The following RALGPS2 variants were observed in gnomAD, a reference collection of about 807,000 sequenced individuals.
RALGPS2 encodes ras-specific guanine nucleotide-releasing factor RalGPS2.
A neutral mutation model predicts 86.8 loss-of-function variants in RALGPS2; 43 were observed. The observed-to-expected ratio is 0.50, with a 90% CI of 0.39 to 0.64. The LOEUF (loss-of-function observed/expected upper bound fraction) is 0.64. Among genes scored for constraint, RALGPS2 ranks in the 30% least tolerant of loss-of-function variants. The pLI is 0.00. For missense variants in RALGPS2, 536 were observed against 694.6 expected, an observed-to-expected ratio of 0.77 and a Z score of 2.57; for synonymous variants, 243 against 231.3, an observed-to-expected ratio of 1.05 and a Z score of -0.46.
chr1:178,766,969 C>T (rs1652536055), intron 1 of RALGPS2, among the ~76,000 whole-genome samples: 1 of 152,102 alleles, frequency 6.6e-6, no homozygotes, highest in African/African-American at 2.4e-5. Context: ...TCTTTGAGCT[C>T]TGAAATTCTT....
At chr1:178,862,379 A>G (rs1658085886) in intron 8 of RALGPS2, among the ~76,000 whole-genome samples, 1 of 152,138 alleles carries the variant, frequency 6.6e-6, no homozygotes, top group African/African-American at 2.4e-5. Flanking sequence ...TGCAGGTAAG[A>G]CACTGTAACC....
At chr1:178,732,723 G>A (rs1472192458) in intron 1 of RALGPS2, among the ~76,000 whole-genome samples, 1 of 149,966 alleles carries the variant, frequency 6.7e-6, no homozygotes, top group East Asian at 1.9e-4. Flanking sequence ...TGTCATACTA[G>A]TTTTCTAAGT....
At chr1:178,909,424 G>A (rs1039935374) in intron 19 of RALGPS2, among the ~76,000 whole-genome samples, 5 of 150,950 alleles carry the variant, frequency 3.3e-5, no homozygotes, top group Admixed American at 3.3e-4. Flanking sequence ...TGTTGTTGTT[G>A]TTGTTCCCAT....
intron 10 of RALGPS2, among the ~76,000 whole-genome samples, chr1:178,881,039 G>A (rs1372742437): frequency 1.3e-5 from 2 of 152,132 alleles, no homozygotes; most frequent in African/African-American, 4.8e-5. Flanking sequence ...CTAAGGTTTT[G>A]TTATAGGCCA....
Position 178,881,507 on chromosome 1 carries a change from T to G in RALGPS2, c.837-1959T>G, listed in dbSNP as rs529656402. ...CTCTGTTTCCCAGTTTGGAGGGCAA[T>G]GGCACAATCTCAGCTCACTGCAACC... On this transcript the variant is annotated intron_variant, in intron 10 of 19. Transcript: ENST00000367635. Among the ~76,000 whole-genome samples the G allele has an allele frequency of 9.2e-5, 14 of 152,322 alleles. No homozygotes were observed. The South Asian group carries it at 2.9e-3, about 32-fold the overall frequency.
intron 1 of RALGPS2, among the ~76,000 whole-genome samples, chr1:178,749,748 A>G (rs557694090): frequency 6.6e-6 from 1 of 152,124 alleles, no homozygotes; most frequent in African/African-American, 2.4e-5. Context: ...TGATCCATGC[A>G]CAGAGGTAGA....
At chr1:178,813,147 T>G (rs1039929338) in intron 6 of RALGPS2, among the ~76,000 whole-genome samples, 2 of 152,090 alleles carry the variant, frequency 1.3e-5, no homozygotes, top group African/African-American at 2.4e-5. Flanking sequence ...TGGGCCAGGC[T>G]GGTCTTGAAC....
At chr1:178,845,314 A>G (rs1015556143) in intron 8 of RALGPS2, among the ~76,000 whole-genome samples, 15 of 151,972 alleles carry the variant, frequency 9.9e-5, no homozygotes, top group Non-Finnish European at 4.4e-5. Flanking sequence ...TTCCCCATTT[A>G]ATTTTTAATT....
chr1:178,823,362 A>T (rs1655599226), intron 7 of RALGPS2, among the ~76,000 whole-genome samples: 1 of 152,228 alleles, frequency 6.6e-6, no homozygotes, highest in African/African-American at 2.4e-5. Flanking sequence ...AATGATCTAG[A>T]CAAAGTTCCA....
intron 4 of RALGPS2, among the ~76,000 whole-genome samples, chr1:178,798,060 A>G (rs1479365909): frequency 6.6e-6 from 1 of 151,500 alleles, no homozygotes. Context: ...GCGTGAATGT[A>G]TAAAATATAT....
chr1:178,832,578 G>A (rs1656079361), intron 7 of RALGPS2, among the ~76,000 whole-genome samples: 1 of 151,914 alleles, frequency 6.6e-6, no homozygotes, highest in Non-Finnish European at 1.5e-5. Context: ...AGGAAAATTA[G>A]GTGAGACTTA....
At chr1:178,774,060 G>A (rs547964663) in intron 1 of RALGPS2, among the ~76,000 whole-genome samples, 83 of 152,234 alleles carry the variant, frequency 5.5e-4, no homozygotes, top group African/African-American at 1.8e-3. Context: ...GGCCAACATG[G>A]TGAAACCCTG....
At chr1:178,853,820 CTT>C in intron 8 of RALGPS2, 1 of 1,493,750 alleles carries the variant, frequency 6.7e-7, no homozygotes, top group East Asian at 2.4e-5. Flanking sequence ...TATCAGCAAA[CTT>C]AATATGAGAA....
intron 7 of RALGPS2, among the ~76,000 whole-genome samples, chr1:178,826,810 A>G (rs1451323462): frequency 6.6e-6 from 1 of 152,212 alleles, no homozygotes; most frequent in Non-Finnish European, 1.5e-5. Context: ...TATCAACAAA[A>G]GAAACAAAAT....
intron 6 of RALGPS2, among the ~76,000 whole-genome samples, chr1:178,813,620 TA>T (rs1275543525): frequency 2.6e-5 from 4 of 152,218 alleles, no homozygotes; most frequent in Non-Finnish European, 4.4e-5. Context: ...TAAAGAGATC[TA>T]AATATAAAAT....
At chr1:178,866,724 C>T (rs1658436841) in intron 8 of RALGPS2, among the ~76,000 whole-genome samples, 1 of 152,124 alleles carries the variant, frequency 6.6e-6, no homozygotes, top group African/African-American at 2.4e-5. Context: ...TAAGGCCACA[C>T]AAGGATTAGA....
chr1:178,814,992 T>C (rs1000472828), intron 6 of RALGPS2, among the ~76,000 whole-genome samples: 2 of 152,254 alleles, frequency 1.3e-5, no homozygotes, highest in African/African-American at 2.4e-5. Context: ...GTTTTCTCTC[T>C]TGAAAGGTCT....
chr1:178,761,961 T>C (rs1652265225), intron 1 of RALGPS2, among the ~76,000 whole-genome samples: 1 of 152,146 alleles, frequency 6.6e-6, no homozygotes, highest in South Asian at 2.1e-4. Flanking sequence ...ATTGCCCAGG[T>C]AATAAGCATA....
intron 5 of RALGPS2, among the ~76,000 whole-genome samples, chr1:178,809,575 A>G (rs1310626320): frequency 6.6e-6 from 1 of 152,170 alleles, no homozygotes; most frequent in Non-Finnish European, 1.5e-5. Flanking sequence ...AGGGGTTGAT[A>G]GCAAAAATAC....
Sources: gnomAD v4.1 joint callset for allele counts (sites outside exome capture counted in the v4.1 genomes callset) on GRCh38, gnomAD v4.1.1 for gene constraint, MANE v1.5 for transcripts, NCBI Gene and HGNC (gene_info 2026-07-23, HGNC 2026-07-21) for gene names.